Variants in MKLN1 observed in about 807,000 individuals in gnomAD.
MKLN1 encodes muskelin.
In MKLN1, 18 loss-of-function variants were observed where a neutral mutation model predicts 99.0. The observed-to-expected ratio is 0.18, with a 90% CI of 0.13 to 0.27. The LOEUF (loss-of-function observed/expected upper bound fraction) is 0.27. MKLN1 is among the 10% of genes least tolerant of loss of function. The probability of loss-of-function intolerance (pLI) is 1.00; values close to 1 mark genes in which losing one functional copy is unlikely to be tolerated. For missense variants in MKLN1, 621 were observed against 875.9 expected (o/e 0.71, Z 3.67); for synonymous variants, 288 against 293.2 (o/e 0.98, Z 0.18).
intron 3 of MKLN1, among the ~76,000 whole-genome samples, chr7:131,322,859 C>T (rs1280600354): frequency 7.2e-5 from 11 of 152,138 alleles, no homozygotes; most frequent in South Asian, 2.1e-4. Flanking sequence ...CGTGAGCCAC[C>T]GCGCCCGGCC....
intron 1 of MKLN1, among the ~76,000 whole-genome samples, chr7:131,120,959 CTG>C (rs1259144149): frequency 6.6e-6 from 1 of 152,186 alleles, no homozygotes; most frequent in Non-Finnish European, 1.5e-5. Context: ...CTGTATTAGT[CTG>C]TTCTCACACT....
chr7:131,342,142 C>G (rs1799425530), intron 1 of MKLN1, among the ~76,000 whole-genome samples: 2 of 150,904 alleles, frequency 1.3e-5, no homozygotes, highest in African/African-American at 4.9e-5. Context: ...GAGAAACTGC[C>G]AGATTTTTTG....
chr7:131,314,056 C>T (rs1303560606), intron 3 of MKLN1, among the ~76,000 whole-genome samples: 1 of 152,176 alleles, frequency 6.6e-6, no homozygotes, highest in South Asian at 2.1e-4. Flanking sequence ...AAACCAGTAA[C>T]TCCCTGTAGT....
intron 2 of MKLN1, 97 bp from the exon 3 acceptor site, chr7:131,387,023 A>G: frequency 8.8e-7 from 1 of 1,132,620 alleles, no homozygotes; most frequent in Non-Finnish European, 1.2e-6. Flanking sequence ...ACAAGGATGG[A>G]CCTTATACAT....
chr7:131,482,197 T>TATTC (rs1412190680), intron 17 of MKLN1, among the ~76,000 whole-genome samples: 3 of 151,748 alleles, frequency 2.0e-5, no homozygotes, highest in Non-Finnish European at 2.9e-5. Flanking sequence ...TTTATTTATT[T>TATTC]ATTCATTCAT....
chr7:131,120,189 A>AG (rs55875755), intron 1 of MKLN1, among the ~76,000 whole-genome samples: 3 of 148,354 alleles, frequency 2.0e-5, no homozygotes, highest in African/African-American at 7.4e-5. Flanking sequence ...AAAAAAAAAA[A>AG]GAAGCAGCCA....
chr7:131,220,253 C>A (rs1360646065), intron 3 of MKLN1, among the ~76,000 whole-genome samples: 1 of 152,108 alleles, frequency 6.6e-6, no homozygotes, highest in African/African-American at 2.4e-5. Flanking sequence ...TATCATTCTC[C>A]CTAGTAATCA....
rs529258265 is a variant in MKLN1 at position 131,163,780 on chromosome 7, C to T, written c.-297+20839C>T. ...GTGTTCTTCGCTCACAAGTAACTCTCGTGTGTATATCATTAATGCTAACGA... is the reference window on the plus strand; with the variant it reads ...GTGTTCTTCGCTCACAAGTAACTCTTGTGTGTATATCATTAATGCTAACGA... On this transcript the variant is annotated intron_variant, in intron 2 of 7. Coordinates refer to the MKLN1 transcript ENST00000416992. Among the ~76,000 whole-genome samples, 10 of 152,290 alleles carry T rather than the reference C, an allele frequency of 6.6e-5. No individual in the cohort carries two copies. In the East Asian group the frequency reaches 1.7e-3, roughly 26 times the overall value.
At chr7:131,421,656 T>C (rs147672250) in intron 8 of MKLN1, among the ~76,000 whole-genome samples, 3 of 152,312 alleles carry the variant, frequency 2.0e-5, no homozygotes, top group African/African-American at 4.8e-5. Flanking sequence ...TATATTAATA[T>C]GCAGCAGTGA....
intron 3 of MKLN1, among the ~76,000 whole-genome samples, chr7:131,296,059 T>C (rs1308352917): frequency 6.6e-6 from 1 of 152,184 alleles, no homozygotes; most frequent in Non-Finnish European, 1.5e-5. Flanking sequence ...TCGATGAATA[T>C]AAAGGAACAA....
At chr7:131,456,789 CCT>C (rs1363822913) in intron 12 of MKLN1, among the ~76,000 whole-genome samples, 13 of 152,080 alleles carry the variant, frequency 8.5e-5, no homozygotes, top group African/African-American at 3.1e-4. Context: ...TATGACTTTT[CCT>C]CTCTATTTTC....
intron 1 of MKLN1, among the ~76,000 whole-genome samples, chr7:131,142,608 G>A (rs1378467399): frequency 2.0e-5 from 3 of 151,416 alleles, no homozygotes; most frequent in South Asian, 2.1e-4. Flanking sequence ...GTAGGCGGGC[G>A]CCTGTAGTCC....
At chr7:131,116,418 G>C (rs773113480) in intron 1 of MKLN1, among the ~76,000 whole-genome samples, 1 of 151,976 alleles carries the variant, frequency 6.6e-6, no homozygotes, top group Non-Finnish European at 1.5e-5. Flanking sequence ...GCCTCACAAG[G>C]CTGTTAGGAA....
At chr7:131,130,568 C>G (rs542533690) in intron 1 of MKLN1, among the ~76,000 whole-genome samples, 1 of 152,036 alleles carries the variant, frequency 6.6e-6, no homozygotes, top group Non-Finnish European at 1.5e-5. Flanking sequence ...TTTTTTCTGT[C>G]GATAATGTTA....
intron 2 of MKLN1, among the ~76,000 whole-genome samples, chr7:131,200,658 C>A (rs1796713601): frequency 6.6e-6 from 1 of 152,182 alleles, no homozygotes; most frequent in Non-Finnish European, 1.5e-5. Context: ...ATTACTTAAT[C>A]AAAAGTACAG....
intron 1 of MKLN1, among the ~76,000 whole-genome samples, chr7:131,341,268 C>T (rs528824020): frequency 6.6e-6 from 1 of 152,150 alleles, no homozygotes; most frequent in South Asian, 2.1e-4. Flanking sequence ...TGTACATTCA[C>T]AGATGTGACC....
At chr7:131,147,220 T>C (rs927234184) in intron 2 of MKLN1, among the ~76,000 whole-genome samples, 3 of 80,766 alleles carry the variant, frequency 3.7e-5, no homozygotes, top group African/African-American at 2.2e-4. Flanking sequence ...CCCAGCTATT[T>C]TTTTTTTTTT....
chr7:131,241,869 G>A lies in MKLN1; in HGVS notation c.-179+38895G>A, dbSNP rs79117054. Reference sequence around the variant, plus strand: ...AATTGCTGTTCATTGCATAGACCCCGCCAGCATTTTTCACATTTTGAACCT... The same window carrying A: ...AATTGCTGTTCATTGCATAGACCCCACCAGCATTTTTCACATTTTGAACCT... On this transcript the variant is annotated intron_variant, in intron 3 of 7. Transcript: ENST00000416992. Among the ~76,000 whole-genome samples the A allele has an allele frequency of 4.7e-3, 713 of 152,064 alleles. 4 individuals carry two copies. Among genetic ancestry groups the A allele is most frequent in the African/African-American group, 0.016 (657 of 41,488 alleles).
intron 1 of MKLN1, among the ~76,000 whole-genome samples, chr7:131,127,174 A>G (rs936842110): frequency 8.3e-6 from 1 of 121,102 alleles, no homozygotes; most frequent in African/African-American, 3.4e-5. Context: ...TCAAAAAAAA[A>G]AAAAAAAAGA....
Sources: allele counts gnomAD v4.1 joint callset (sites outside exome capture counted in the v4.1 genomes callset), GRCh38; gene constraint gnomAD v4.1.1; transcripts MANE v1.5; gene names NCBI Gene and HGNC (gene_info 2026-07-23, HGNC 2026-07-21).